UBTD1: variants seen among roughly 807,000 people sequenced by gnomAD.
UBTD1 encodes the protein ubiquitin domain containing 1, also known as ubiquitin domain-containing protein 1.
Under a neutral mutation model 21.7 loss-of-function variants are expected in UBTD1, and 19 were observed. That is an observed-to-expected ratio of 0.87 (90% CI 0.61 to 1.28). UBTD1 has a LOEUF of 1.28. UBTD1 is among the 50% of genes most tolerant of loss of function. UBTD1 has a pLI of 0.00. For missense variants in UBTD1, 282 were observed against 315.1 expected, an observed-to-expected ratio of 0.89 and a Z score of 0.80; for synonymous variants, 116 against 135.1, an observed-to-expected ratio of 0.86 and a Z score of 0.98.
At chr10:97,521,241 G>A (rs946492151) in intron 1 of UBTD1, among the ~76,000 whole-genome samples, 1 of 152,238 alleles carries the variant, frequency 6.6e-6, no homozygotes, top group Non-Finnish European at 1.5e-5. Context: ...ATGATGGTTG[G>A]TAAGGTGAGA....
intron 1 of UBTD1, among the ~76,000 whole-genome samples, chr10:97,521,757 G>T (rs980632166): frequency 3.3e-5 from 5 of 152,210 alleles, no homozygotes; most frequent in African/African-American, 9.6e-5. Flanking sequence ...AGCAGTGTGT[G>T]CCTGGCCCCC....
At chr10:97,556,820 G>A (rs1318514626) in intron 1 of UBTD1, among the ~76,000 whole-genome samples, 1 of 152,192 alleles carries the variant, frequency 6.6e-6, no homozygotes, top group African/African-American at 2.4e-5. Context: ...TGGAATTCTG[G>A]GTGGGCCCAA....
chr10:97,534,576 C>T (rs908663948), intron 1 of UBTD1, among the ~76,000 whole-genome samples: 24 of 50,208 alleles, frequency 4.8e-4, no homozygotes, highest in South Asian at 2.3e-3. Context: ...CACACGCGCG[C>T]GCGCACACAC....
At chr10:97,553,911 G>C (rs1191733199) in intron 1 of UBTD1, among the ~76,000 whole-genome samples, 1 of 152,188 alleles carries the variant, frequency 6.6e-6, no homozygotes, top group Non-Finnish European at 1.5e-5. Context: ...CACAGTAACT[G>C]TCAGTGGGAG....
At chr10:97,567,620 T>C (rs1278868335) in intron 1 of UBTD1, among the ~76,000 whole-genome samples, 1 of 151,642 alleles carries the variant, frequency 6.6e-6, no homozygotes, top group African/African-American at 2.4e-5. Flanking sequence ...GGTCATGCCA[T>C]TGCACTCCAG....
At chr10:97,545,338 C>CA (rs71007349) in intron 1 of UBTD1, among the ~76,000 whole-genome samples, 76,287 of 126,540 alleles carry the variant, frequency 0.6, 23,941 homozygotes, top group Non-Finnish European at 0.73. Context: ...GACTCCGTCT[C>CA]AAAAAAAAAA....
At chr10:97,527,943 G>A (rs1240529290) in intron 1 of UBTD1, among the ~76,000 whole-genome samples, 8 of 152,116 alleles carry the variant, frequency 5.3e-5, no homozygotes, top group Admixed American at 2.0e-4. Context: ...ATCATGGCCC[G>A]TTCTCAATGA....
chr10:97,515,846 C>G (rs946986), intron 1 of UBTD1, among the ~76,000 whole-genome samples: 113,692 of 152,132 alleles, frequency 0.75, 44,528 homozygotes, highest in East Asian at 0.91. Context: ...GGGATGGGGT[C>G]ACACGTGATG....
intron 1 of UBTD1, among the ~76,000 whole-genome samples, chr10:97,530,493 A>G (rs1346509484): frequency 6.6e-6 from 1 of 152,192 alleles, no homozygotes; most frequent in Non-Finnish European, 1.5e-5. Context: ...TTGCTCAATA[A>G]ATATTTATTA....
chr10:97,554,798 T>C (rs936365207), intron 1 of UBTD1, among the ~76,000 whole-genome samples: 6 of 152,134 alleles, frequency 3.9e-5, no homozygotes, highest in Non-Finnish European at 5.9e-5. Flanking sequence ...AAGTGATCCT[T>C]CCACCTCAGC....
intron 1 of UBTD1, among the ~76,000 whole-genome samples, chr10:97,536,940 C>T (rs1158832644): frequency 1.3e-5 from 2 of 152,058 alleles, no homozygotes; most frequent in Non-Finnish European, 2.9e-5. Context: ...CCAGGGCCCT[C>T]CCTTGGAGGG....
At chr10:97,504,029 A>T (rs2040388458) in intron 1 of UBTD1, among the ~76,000 whole-genome samples, 2 of 152,068 alleles carry the variant, frequency 1.3e-5, no homozygotes, top group African/African-American at 2.4e-5. Flanking sequence ...CCAGTTCATG[A>T]TGATTTCATC....
At chr10:97,553,428 GCCAA>G (rs1199299025) in intron 1 of UBTD1, among the ~76,000 whole-genome samples, 1 of 152,232 alleles carries the variant, frequency 6.6e-6, no homozygotes, top group East Asian at 1.9e-4. Context: ...ACCGCGGCCA[GCCAA>G]TATCTTTTTA....
chr10:97,515,507 G>A (rs1021690270), intron 1 of UBTD1, among the ~76,000 whole-genome samples: 2 of 152,136 alleles, frequency 1.3e-5, no homozygotes, highest in Non-Finnish European at 2.9e-5. Flanking sequence ...TCCAGCTTAA[G>A]CAAAAAGGGT....
chr10:97,551,312 G>A (rs942000034), intron 1 of UBTD1, among the ~76,000 whole-genome samples: 1 of 151,820 alleles, frequency 6.6e-6, no homozygotes, highest in Admixed American at 6.6e-5. Context: ...GAGACAGGAG[G>A]ATCCCTTGAG....
chr10:97,545,906 C>A (rs2040608718), intron 1 of UBTD1, among the ~76,000 whole-genome samples: 1 of 152,058 alleles, frequency 6.6e-6, no homozygotes, highest in African/African-American at 2.4e-5. Context: ...AACCTTAGCC[C>A]CAAAAGTAGC....
intron 1 of UBTD1, among the ~76,000 whole-genome samples, chr10:97,499,483 G>A (rs1254493114): frequency 6.6e-6 from 1 of 152,192 alleles, no homozygotes. Flanking sequence ...CCGGCTGCGC[G>A]ACCAACTCTC....
In UBTD1 at chr10:97,531,247, G is replaced by A. The variant is rs1486136859; in HGVS notation, c.70+31974G>A. Among the ~76,000 whole-genome samples the A allele has an allele frequency of 1.4e-4, 20 of 144,482 alleles. No homozygotes were observed. In the East Asian group the frequency reaches 3.2e-3, roughly 23 times the overall value. 94.8% of individuals were successfully genotyped at this position (144,482 alleles called of 152,430 possible). A position where few individuals can be genotyped will look rare whatever the true frequency, so the allele number is the denominator to read the frequency against. On this transcript the variant is annotated intron_variant, in intron 1 of 2. Transcript: ENST00000370664. Reference sequence around the variant, plus strand: ...TTTTTTTTTGAGATGGAGTCTTGCCGTCACCCAGTCTGGAGTGCAGTGGCA... The same window carrying A: ...TTTTTTTTTGAGATGGAGTCTTGCCATCACCCAGTCTGGAGTGCAGTGGCA...
At chr10:97,529,529 A>C (rs1161846257) in intron 1 of UBTD1, among the ~76,000 whole-genome samples, 1 of 152,128 alleles carries the variant, frequency 6.6e-6, no homozygotes, top group East Asian at 1.9e-4. Context: ...CGGGAGGCCG[A>C]GGCTGGCGGA....
Sources: gnomAD v4.1 joint callset for allele counts (sites outside exome capture counted in the v4.1 genomes callset) on GRCh38, gnomAD v4.1.1 for gene constraint, MANE v1.5 for transcripts, NCBI Gene and HGNC (gene_info 2026-07-23, HGNC 2026-07-21) for gene names.